CPS1: variants seen among roughly 807,000 people sequenced by gnomAD.
CPS1 encodes carbamoyl-phosphate synthase [ammonia], mitochondrial.
A neutral mutation model predicts 174.6 loss-of-function variants in CPS1; 109 were observed. The observed-to-expected ratio is 0.62, with a 90% confidence interval of 0.53 to 0.73. The LOEUF (loss-of-function observed/expected upper bound fraction) is 0.73, where lower values mean the gene tolerates loss of function less well. Among genes scored for constraint, CPS1 ranks in the 30% least tolerant of loss-of-function variants. The pLI is 0.00. For missense variants in CPS1, 1,689 were observed against 1,821.9 expected, an observed-to-expected ratio of 0.93 and a Z score of 1.33; for synonymous variants, 637 against 632.0, an observed-to-expected ratio of 1.01 and a Z score of -0.12.
At chr2:210,658,575 A>G in intron 30 of CPS1, 24 bp from the exon 31 acceptor site, 2 of 1,598,970 alleles carry the variant, frequency 1.3e-6, no homozygotes, top group Non-Finnish European at 1.7e-6. Context: ...TTAGCACACT[A>G]TACGATTATG....
chr2:210,634,574 G>A (rs972371066), intron 21 of CPS1, among the ~76,000 whole-genome samples: 2 of 152,094 alleles, frequency 1.3e-5, no homozygotes, highest in Non-Finnish European at 1.5e-5. Context: ...AGCCTTTCCA[G>A]ACTTCTCCAT....
chr2:210,634,614 C>T (rs1276874878), intron 21 of CPS1, among the ~76,000 whole-genome samples: 7 of 152,126 alleles, frequency 4.6e-5, no homozygotes, highest in Non-Finnish European at 1.0e-4. Context: ...CCCTGAGCCA[C>T]GGCTTCAACT....
At chr2:210,603,042 T>C (rs2105844271) in intron 16 of CPS1, among the ~76,000 whole-genome samples, 1 of 152,018 alleles carries the variant, frequency 6.6e-6, no homozygotes, top group Non-Finnish European at 1.5e-5. Flanking sequence ...GAAAATATGC[T>C]CCAGGAAAAC....
At chr2:210,562,928 C>T (rs1697153362) in intron 1 of CPS1, among the ~76,000 whole-genome samples, 1 of 148,680 alleles carries the variant, frequency 6.7e-6, no homozygotes, top group African/African-American at 2.5e-5. Context: ...TAAGGCTTTA[C>T]AGGCAGAACA....
In CPS1 at chr2:210,599,380, T is replaced by C. The variant is rs1458874379; in HGVS notation, c.1368T>C (p.Asn456=). 2 of 1,612,188 alleles carry C rather than the reference T, an allele frequency of 1.2e-6. No homozygotes were observed. The highest frequency in any genetic ancestry group is 1.7e-6 in the Non-Finnish European group (2 of 1,178,826). Reference sequence around the variant, plus strand: ...TCTTTTGTTTCTTTCAGGAAGAAAATGTCAAAACTGTTCTGATGAACCCAA... The same window carrying C: ...TCTTTTGTTTCTTTCAGGAAGAAAACGTCAAAACTGTTCTGATGAACCCAA... The part of the protein sequence containing the change: ...SQAVKAMKEE[N]VKTVLMNPNI... Residue 456 remains asparagine (N), a synonymous_variant, in exon 14 of 38, where the codon AAT becomes AAC. Transcript: ENST00000233072.
chr2:210,559,590 A>G (rs1314444316), intron 1 of CPS1, among the ~76,000 whole-genome samples: 2 of 152,176 alleles, frequency 1.3e-5, no homozygotes, highest in Non-Finnish European at 2.9e-5. Context: ...ACTAAATACT[A>G]AAAAGTTTTA....
intron 1 of CPS1, among the ~76,000 whole-genome samples, chr2:210,491,548 C>T (rs1283659440): frequency 1.3e-5 from 2 of 151,984 alleles, no homozygotes; most frequent in African/African-American, 4.8e-5. Context: ...CTCCTGACCT[C>T]GCGATCCGCC....
chr2:210,503,313 C>T (rs1695195829), intron 1 of CPS1, among the ~76,000 whole-genome samples: 1 of 152,172 alleles, frequency 6.6e-6, no homozygotes, highest in Non-Finnish European at 1.5e-5. Flanking sequence ...GACATTTTAG[C>T]TCCTTTCCCA....
chr2:210,581,796 A>G (rs866202386), intron 5 of CPS1, among the ~76,000 whole-genome samples: 2 of 152,156 alleles, frequency 1.3e-5, no homozygotes, highest in Non-Finnish European at 2.9e-5. Flanking sequence ...CAAGGAATAC[A>G]TTTAAAAGGG....
chr2:210,531,373 G>A (rs1176441513), intron 1 of CPS1, among the ~76,000 whole-genome samples: 1 of 152,116 alleles, frequency 6.6e-6, no homozygotes, highest in Non-Finnish European at 1.5e-5. Context: ...ATTGTCAAGT[G>A]ATTTACTAGT....
chr2:210,535,819 GTTTTT>G (rs67369344), intron 1 of CPS1, among the ~76,000 whole-genome samples: 16 of 118,180 alleles, frequency 1.4e-4, no homozygotes, highest in Non-Finnish European at 1.7e-4. Flanking sequence ...CTTTTTCCTT[GTTTTT>G]TTTTTTTTTT....
Position 210,630,255 on chromosome 2 carries a change from A to T in CPS1, c.2688-7447A>T, listed in dbSNP as rs565811644. On this transcript the variant is annotated intron_variant, in intron 21 of 37. Coordinates refer to ENST00000233072, the MANE Select transcript of CPS1 (RefSeq NM_001875.5). ...ACTAAATGAGTGGCTTTACCAGATT[A>T]AGAGTAATATCATGATATTTCTGGA... Among the ~76,000 whole-genome samples the T allele has an allele frequency of 5.3e-5, 8 of 152,294 alleles. No individual in the cohort carries two copies. The South Asian group carries it at 6.2e-4, about 12-fold the overall frequency.
intron 1 of CPS1, among the ~76,000 whole-genome samples, chr2:210,529,192 A>G (rs1396857820): frequency 6.6e-6 from 1 of 151,948 alleles, no homozygotes; most frequent in African/African-American, 2.4e-5. Context: ...CTTTGAACAT[A>G]GGAACCAAGC....
chr2:210,583,254 G>T (rs998794601), intron 6 of CPS1, among the ~76,000 whole-genome samples: 4 of 152,104 alleles, frequency 2.6e-5, no homozygotes, highest in Non-Finnish European at 4.4e-5. Flanking sequence ...TTTATAAAAA[G>T]GTAAAGAATA....
chr2:210,580,863 A>G (rs1697901225), intron 5 of CPS1, among the ~76,000 whole-genome samples: 1 of 151,740 alleles, frequency 6.6e-6, no homozygotes, highest in Admixed American at 6.6e-5. Context: ...TGTCTCAAAA[A>G]AAAAAAAAAA....
chr2:210,580,881 T>C (rs1431615626), intron 5 of CPS1, among the ~76,000 whole-genome samples: 1 of 145,696 alleles, frequency 6.9e-6, no homozygotes, highest in South Asian at 2.2e-4. Flanking sequence ...AAAAAGTACA[T>C]ATGGGAAAAG....
chr2:210,578,580 T>G (rs1234782673), intron 4 of CPS1, among the ~76,000 whole-genome samples: 2 of 152,192 alleles, frequency 1.3e-5, no homozygotes, highest in Non-Finnish European at 2.9e-5. Context: ...ACGAAAGTGC[T>G]GCCTCTCCAA....
intron 21 of CPS1, chr2:210,618,073 G>A (rs546296345): frequency 3.9e-5 from 6 of 152,066 alleles, no homozygotes; most frequent in South Asian, 2.1e-4. Context: ...AATAGTTTTC[G>A]TTACAACCAG....
intron 2 of CPS1, among the ~76,000 whole-genome samples, chr2:210,575,709 A>T (rs926216131): frequency 2.0e-5 from 3 of 152,092 alleles, no homozygotes; most frequent in Non-Finnish European, 4.4e-5. Flanking sequence ...CTAAGCAGAT[A>T]ATAACTTTCA....
Sources: gnomAD v4.1 joint callset for allele counts (sites outside exome capture counted in the v4.1 genomes callset) on GRCh38, gnomAD v4.1.1 for gene constraint, MANE v1.5 for transcripts, NCBI Gene and HGNC (gene_info 2026-07-23, HGNC 2026-07-21) for gene names.